The following WDR20 variants were observed in gnomAD, a reference collection of about 807,000 sequenced individuals.
The protein encoded by WDR20 is WD repeat-containing protein 20.
In WDR20, 3 loss-of-function variants were observed where a neutral mutation model predicts 38.7. The observed-to-expected ratio is 0.08, with a 90% CI of 0.04 to 0.20. WDR20 has a LOEUF of 0.20. Ranked by LOEUF, WDR20 falls within the 10% of genes least tolerant of loss-of-function variation. The pLI, the probability that WDR20 is intolerant of heterozygous loss-of-function variation, is 1.00. For missense variants in WDR20, 559 were observed against 727.7 expected (o/e 0.77, Z 2.67); for synonymous variants, 298 against 285.6 (o/e 1.04, Z -0.44).
At chr14:102,180,586 C>T (rs1487072400) in intron 1 of WDR20, among the ~76,000 whole-genome samples, 1 of 152,182 alleles carries the variant, frequency 6.6e-6, no homozygotes. Flanking sequence ...AGGGCAAGTA[C>T]TCAGGCTTGC....
At chr14:102,173,816 G>A (rs904435518) in intron 1 of WDR20, among the ~76,000 whole-genome samples, 2 of 151,994 alleles carry the variant, frequency 1.3e-5, no homozygotes, top group South Asian at 2.1e-4. Context: ...AGGCCAAGGC[G>A]GGCAGATCAT....
chr14:102,193,995 C>T (rs749255276), intron 1 of WDR20, among the ~76,000 whole-genome samples: 3 of 152,194 alleles, frequency 2.0e-5, no homozygotes, highest in Admixed American at 6.5e-5. Context: ...GGGGAGGGCA[C>T]ATTGAAAAAT....
At chr14:102,214,458 A>G, downstream of WDR20, 1 of 985,482 alleles carries the variant, frequency 1.0e-6, no homozygotes, top group Non-Finnish European at 1.2e-6. Context: ...ACGAACTATA[A>G]GAACGTGCCC....
intron 1 of WDR20, among the ~76,000 whole-genome samples, chr14:102,152,576 G>A (rs1041736515): frequency 6.6e-6 from 1 of 151,880 alleles, no homozygotes; most frequent in South Asian, 2.1e-4. Flanking sequence ...CACCATGCCC[G>A]GCCAATTTTC....
chr14:102,186,109 T>G (rs1350308488), intron 1 of WDR20, among the ~76,000 whole-genome samples: 1 of 152,244 alleles, frequency 6.6e-6, no homozygotes, highest in South Asian at 2.1e-4. Context: ...TGACTTCTTA[T>G]GTTTCTGACA....
downstream of WDR20, among the ~76,000 whole-genome samples, chr14:102,218,000 C>A (rs35292561): frequency 6.6e-6 from 1 of 152,156 alleles, no homozygotes; most frequent in African/African-American, 2.4e-5. Flanking sequence ...CTCTGGGGGA[C>A]GCCAGTGGAG....
chr14:102,183,070 G>A (rs6575898), intron 1 of WDR20, among the ~76,000 whole-genome samples: 51,165 of 149,532 alleles, frequency 0.34, 12,163 homozygotes, highest in African/African-American at 0.69. Context: ...CAGAGAGAGA[G>A]AAAAAAAAAG....
intron 1 of WDR20, among the ~76,000 whole-genome samples, chr14:102,150,417 G>A (rs944758517): frequency 6.6e-6 from 1 of 152,158 alleles, no homozygotes; most frequent in Non-Finnish European, 1.5e-5. Flanking sequence ...GGTCGAGGCT[G>A]CACTGTGATT....
rs368209373 is a variant in WDR20 at position 102,139,990 on chromosome 14, C to G, written c.67C>G (p.Leu23Val). ...GACCCAATTCACCACCCGGGAAGGT[C>G]TGTACAAGCTGCTGCCGCACTCGGA... ...IKTQFTTREG[L>V]YKLLPHSEYS... Residue 23 changes from leucine to valine, a missense_variant, in exon 1 of 3, where the codon CTG becomes GTG. Physicochemically the swap from Leu to Val is conservative, Grantham distance 32. Coordinates refer to ENST00000342702, the MANE Select transcript of WDR20 (RefSeq NM_144574.4). 3 of 1,614,234 alleles carry G rather than the reference C, an allele frequency of 1.9e-6. No homozygotes were observed. The highest frequency in any genetic ancestry group is 1.7e-5 in the Admixed American group (1 of 60,030).
chr14:102,161,605 T>C (rs1314590522), intron 1 of WDR20, among the ~76,000 whole-genome samples: 1 of 152,148 alleles, frequency 6.6e-6, no homozygotes, highest in Non-Finnish European at 1.5e-5. Flanking sequence ...CCATTCAAAC[T>C]GTTTAAATTT....
intron 1 of WDR20, among the ~76,000 whole-genome samples, chr14:102,149,301 G>T (rs8013776): frequency 0.018 from 2,695 of 152,280 alleles, 86 homozygotes; most frequent in African/African-American, 0.062. Flanking sequence ...AAAGTGCTGG[G>T]ATTACAGATG....
rs539009162 is a variant in WDR20, at chr14:102,207,336, T to C, written c.433-1267T>C. Among the ~76,000 whole-genome samples, 2 of 152,378 alleles carry C rather than the reference T, an allele frequency of 1.3e-5. No homozygotes were observed. The highest frequency in any genetic ancestry group is 4.1e-4 in the South Asian group (2 of 4,822). On this transcript the variant is annotated intron_variant, in intron 2 of 2. Transcript: ENST00000342702. This position sits in a 1 kb window ranked among gnomAD's most constrained non-coding sequence, Gnocchi z 5.0. ...CATTAATTTCTTTCCCAGCCGTTCT[T>C]TTAAAAATCAAGTCGTCTTATTTCT...
At position 102,194,997 on chromosome 14, in the gene WDR20, T is replaced by C. The variant is rs771500178; in HGVS notation, c.309T>C (p.Cys103=). Residue 103 remains cysteine (C), a synonymous_variant, in exon 2 of 3, where the codon TGT becomes TGC. Transcript: ENST00000342702. ...KRIYKGTQPT[C]HDFNHLTATA... ...TATACAAAGGAACACAGCCTACTTG[T>C]CATGACTTCAACCACCTAACAGCCA... is the stretch of plus-strand genomic sequence containing the variant. 6.2e-7 allele frequency: 1 copy of C among 1,614,236 alleles called. No homozygotes were observed. The highest frequency in any genetic ancestry group is 8.5e-7 in the Non-Finnish European group (1 of 1,180,028).
intron 1 of WDR20, among the ~76,000 whole-genome samples, chr14:102,154,830 G>C (rs887144474): frequency 6.6e-6 from 1 of 152,156 alleles, no homozygotes; most frequent in African/African-American, 2.4e-5. Context: ...TTTACATAGA[G>C]CACTTTAGTT....
chr14:102,164,718 G>A (rs537500106), intron 1 of WDR20, among the ~76,000 whole-genome samples: 2 of 151,964 alleles, frequency 1.3e-5, no homozygotes, highest in South Asian at 4.2e-4. Flanking sequence ...ATACATTTTT[G>A]ACCCACTCAG....
chr14:102,148,938 G>C (rs1445298373), intron 1 of WDR20, among the ~76,000 whole-genome samples: 1 of 152,142 alleles, frequency 6.6e-6, no homozygotes. Flanking sequence ...GAGGCGGGCG[G>C]ATCACGAGGT....
At chr14:102,146,959 G>T (rs148389183) in intron 1 of WDR20, among the ~76,000 whole-genome samples, 1 of 152,164 alleles carries the variant, frequency 6.6e-6, no homozygotes, top group East Asian at 1.9e-4. Flanking sequence ...TCCATTAAGG[G>T]CTATTTGCTG....
chr14:102,183,142 G>T (rs1463085622), intron 1 of WDR20, among the ~76,000 whole-genome samples: 1 of 152,184 alleles, frequency 6.6e-6, no homozygotes, highest in African/African-American at 2.4e-5. Flanking sequence ...TATGACAAAT[G>T]ACTAACAGCA....
intron 1 of WDR20, chr14:102,193,532 T>G (rs1414130225): frequency 1.2e-6 from 2 of 1,611,470 alleles, no homozygotes; most frequent in Non-Finnish European, 1.7e-6. Context: ...TGGGAGAGTG[T>G]CCGCATGGCA....
Sources: gnomAD v4.1 joint callset for allele counts (sites outside exome capture counted in the v4.1 genomes callset) on GRCh38, gnomAD v4.1.1 for gene constraint, Gnocchi (gnomAD v3.1) non-coding constraint, MANE v1.5 for transcripts, NCBI Gene and HGNC (gene_info 2026-07-23, HGNC 2026-07-21) for gene names.